The following CSMD1 variants were observed in gnomAD, a reference collection of about 807,000 sequenced individuals.
CSMD1 encodes the protein CUB and Sushi multiple domains 1.
CSMD1 carries 213 observed loss-of-function variants against 417.5 expected under a neutral mutation model. The observed-to-expected ratio is 0.51, with a 90% CI of 0.46 to 0.57. The LOEUF is 0.57. Ranked by LOEUF, CSMD1 falls within the 20% of genes least tolerant of loss-of-function variation. The probability of loss-of-function intolerance (pLI) is 0.00; values close to 1 mark genes in which losing one functional copy is unlikely to be tolerated. For synonymous variants in CSMD1, 2,862 were observed against 1,736.8 expected, an observed-to-expected ratio of 1.65 and a Z score of -16.11; for missense variants, 6,923 against 4,529.7, an observed-to-expected ratio of 1.53 and a Z score of -15.17.
At chr8:4,356,070 C>G (rs544766835) in intron 3 of CSMD1, among the ~76,000 whole-genome samples, 1 of 152,180 alleles carries the variant, frequency 6.6e-6, no homozygotes, top group Non-Finnish European at 1.5e-5. Flanking sequence ...GCAGTGTACA[C>G]TGCACCATAT....
At chr8:4,068,209 G>A (rs1195140687) in intron 3 of CSMD1, among the ~76,000 whole-genome samples, 6 of 152,166 alleles carry the variant, frequency 3.9e-5, no homozygotes, top group African/African-American at 4.8e-5. Context: ...AAAATCTTCC[G>A]TGCAGTGTTA....
chr8:3,122,364 G>C (rs967239490), intron 41 of CSMD1, among the ~76,000 whole-genome samples: 4 of 152,130 alleles, frequency 2.6e-5, no homozygotes, highest in Admixed American at 2.0e-4. Flanking sequence ...GCGTTGATTA[G>C]AGACACTCTA....
chr8:3,422,052 C>G (rs1379104633), intron 12 of CSMD1, among the ~76,000 whole-genome samples: 1 of 152,032 alleles, frequency 6.6e-6, no homozygotes, highest in Non-Finnish European at 1.5e-5. Flanking sequence ...ATGTCCAGCC[C>G]TGATGTCCTA....
intron 5 of CSMD1, among the ~76,000 whole-genome samples, chr8:3,944,368 T>C (rs1446069220): frequency 6.6e-6 from 1 of 152,160 alleles, no homozygotes; most frequent in Non-Finnish European, 1.5e-5. Flanking sequence ...AAATAAGATG[T>C]GTTCCTCTCT....
chr8:3,206,634 CTG>C (rs1050002156), intron 30 of CSMD1, among the ~76,000 whole-genome samples: 3 of 93,076 alleles, frequency 3.2e-5, no homozygotes, highest in Admixed American at 1.6e-4. Context: ...GGGGTTATGT[CTG>C]TGTGTGTGTG....
At chr8:3,747,041 C>T (rs948630345) in intron 6 of CSMD1, among the ~76,000 whole-genome samples, 4 of 152,224 alleles carry the variant, frequency 2.6e-5, no homozygotes, top group African/African-American at 9.6e-5. Context: ...AACTCACTAT[C>T]CACCACCCCT....
intron 3 of CSMD1, among the ~76,000 whole-genome samples, chr8:4,356,493 G>C (rs1178221714): frequency 1.3e-5 from 2 of 152,174 alleles, no homozygotes; most frequent in African/African-American, 4.8e-5. Flanking sequence ...ATACCTGGGA[G>C]TGGGATTGCT....
chr8:3,138,177 G>T (rs1430519153), intron 41 of CSMD1, among the ~76,000 whole-genome samples: 1 of 152,232 alleles, frequency 6.6e-6, no homozygotes, highest in African/African-American at 2.4e-5. Context: ...AGTGAGCTGA[G>T]ATTGTGCCAC....
intron 3 of CSMD1, among the ~76,000 whole-genome samples, chr8:4,131,714 C>T (rs1037703030): frequency 1.4e-5 from 2 of 142,972 alleles, no homozygotes; most frequent in African/African-American, 2.6e-5. Context: ...ACTATCAGAA[C>T]AATGCAGTTG....
At chr8:3,428,444 A>T (rs1301055712) in intron 12 of CSMD1, among the ~76,000 whole-genome samples, 1 of 152,186 alleles carries the variant, frequency 6.6e-6, no homozygotes, top group Non-Finnish European at 1.5e-5. Context: ...AAGAATATTA[A>T]ATCACCCCAA....
intron 4 of CSMD1, among the ~76,000 whole-genome samples, chr8:3,998,404 C>A (rs1815394206): frequency 6.6e-6 from 1 of 152,108 alleles, no homozygotes; most frequent in African/African-American, 2.4e-5. Flanking sequence ...TGATAGGCAG[C>A]CTAACAAGAT....
intron 3 of CSMD1, among the ~76,000 whole-genome samples, chr8:4,125,995 T>C (rs1369999895): frequency 6.6e-6 from 1 of 152,168 alleles, no homozygotes; most frequent in Non-Finnish European, 1.5e-5. Context: ...GTGGTTGTGA[T>C]ATGTTGCAGA....
At chr8:4,701,002 G>C (rs1053316255) in intron 1 of CSMD1, among the ~76,000 whole-genome samples, 1 of 152,258 alleles carries the variant, frequency 6.6e-6, no homozygotes, top group East Asian at 1.9e-4. Flanking sequence ...TTAGGAGCTG[G>C]GGTTTATCGG....
intron 38 of CSMD1, among the ~76,000 whole-genome samples, chr8:3,158,582 T>C (rs1277303348): frequency 1.3e-5 from 2 of 151,838 alleles, no homozygotes; most frequent in Non-Finnish European, 2.9e-5. Flanking sequence ...CTTTACCCTG[T>C]AAATACATGA....
In CSMD1 at chr8:3,491,888, G is replaced by A. The variant is rs538432009; in HGVS notation, c.1448+1735C>T. ...CCAGCGGAGACAAAGGAGTTAGAAA[G>A]AGACAGAATGAGAGTTTAAAAGGCG... On this transcript the variant is annotated intron_variant, in intron 11 of 69. Coordinates refer to ENST00000635120, the MANE Select transcript of CSMD1 (RefSeq NM_033225.6). Among the ~76,000 whole-genome samples the A allele has an allele frequency of 2.8e-4, 43 of 152,298 alleles. No individual in the cohort carries two copies. The East Asian group carries it at 8.2e-3, about 29-fold the overall frequency.
Position 4,076,767 on chromosome 8 carries a change from A to G in CSMD1, c.416-44668T>C, listed in dbSNP as rs563962548. Among the ~76,000 whole-genome samples the G allele has an allele frequency of 4.6e-5, 7 of 152,262 alleles. No individual in the cohort carries two copies. In the East Asian group the frequency reaches 1.2e-3, roughly 25 times the overall value. Reference sequence around the variant, plus strand: ...ACCCTGGGGAATGACCTCACATTTCAGGCTCTGAACAACAACCATATCAGA... The same window carrying G: ...ACCCTGGGGAATGACCTCACATTTCGGGCTCTGAACAACAACCATATCAGA... On this transcript the variant is annotated intron_variant, in intron 3 of 69. Transcript: ENST00000635120.
At chr8:3,080,531 G>GA (rs1333644652) in intron 49 of CSMD1, among the ~76,000 whole-genome samples, 2 of 152,010 alleles carry the variant, frequency 1.3e-5, no homozygotes, top group Non-Finnish European at 2.9e-5. Context: ...AATTGGTAGC[G>GA]AAACTTTTAT....
At chr8:4,033,990 G>T (rs1797489952) in intron 3 of CSMD1, among the ~76,000 whole-genome samples, 1 of 152,176 alleles carries the variant, frequency 6.6e-6, no homozygotes, top group African/African-American at 2.4e-5. Context: ...AAACTTACTA[G>T]TAGAGAAATA....
intron 30 of CSMD1, among the ~76,000 whole-genome samples, chr8:3,209,799 A>G (rs1384506608): frequency 6.6e-6 from 1 of 152,234 alleles, no homozygotes; most frequent in African/African-American, 2.4e-5. Flanking sequence ...AAAGACATAC[A>G]AAAGCATTCA....
Sources: allele counts gnomAD v4.1 joint callset (sites outside exome capture counted in the v4.1 genomes callset), GRCh38; gene constraint gnomAD v4.1.1; transcripts MANE v1.5; gene names NCBI Gene and HGNC (gene_info 2026-07-23, HGNC 2026-07-21).